The following VGLL4 variants were observed in gnomAD, a reference collection of about 807,000 sequenced individuals.
The protein encoded by VGLL4 is transcription cofactor vestigial-like protein 4.
VGLL4 carries 7 observed loss-of-function variants against 21.0 expected under a neutral mutation model. That is an observed-to-expected ratio of 0.33 (90% CI 0.19 to 0.63). VGLL4 has a LOEUF of 0.63. Ranked by LOEUF, VGLL4 falls within the 20% of genes least tolerant of loss-of-function variation. The pLI is 0.78. For missense variants in VGLL4, 394 were observed against 425.7 expected, an observed-to-expected ratio of 0.93 and a Z score of 0.66; for synonymous variants, 222 against 173.2, an observed-to-expected ratio of 1.28 and a Z score of -2.21.
At chr3:11,618,512 A>G (rs1463632246) in intron 1 of VGLL4, among the ~76,000 whole-genome samples, 1 of 152,218 alleles carries the variant, frequency 6.6e-6, no homozygotes, top group East Asian at 1.9e-4. Flanking sequence ...AATGGTGTTC[A>G]GCATAACCAA....
chr3:11,689,456 C>T (rs987038717), intron 2 of VGLL4, among the ~76,000 whole-genome samples: 1 of 152,226 alleles, frequency 6.6e-6, no homozygotes, highest in African/African-American at 2.4e-5. Flanking sequence ...TCAATCACCA[C>T]ATTTTTAATG....
intron 2 of VGLL4, among the ~76,000 whole-genome samples, chr3:11,663,276 CG>C (rs1553740751): frequency 6.6e-6 from 1 of 151,988 alleles, no homozygotes; most frequent in Non-Finnish European, 1.5e-5. Context: ...TTAGCAGGGC[CG>C]GGGAAGTGGT....
rs561647829 is a variant in VGLL4 at position 11,596,574 on chromosome 3, G to A, written c.272+5259C>T. ...AGAGTTGGGTTAGCCCTGGAGCATC[G>A]CCAGGAACTCATTATCTCCTAGCTC... On this transcript the variant is annotated intron_variant, in intron 2 of 4. Transcript: ENST00000430365. Among the ~76,000 whole-genome samples the A allele has an allele frequency of 9.5e-4, 145 of 152,212 alleles. 1 individual carries two copies. The highest frequency in any genetic ancestry group is 1.8e-3 in the Non-Finnish European group (123 of 68,012).
chr3:11,706,571 T>A (rs369490726), intron 1 of VGLL4, among the ~76,000 whole-genome samples: 7 of 152,196 alleles, frequency 4.6e-5, no homozygotes, highest in South Asian at 2.1e-4. Context: ...CTTGTGCACA[T>A]CTATTTTTTG....
At chr3:11,681,259 G>A (rs1004079216) in intron 2 of VGLL4, among the ~76,000 whole-genome samples, 3 of 152,068 alleles carry the variant, frequency 2.0e-5, no homozygotes, top group African/African-American at 7.2e-5. Flanking sequence ...CACCACGCCC[G>A]GCTAATTTTT....
At chr3:11,627,011 G>A (rs2075362816) in intron 1 of VGLL4, among the ~76,000 whole-genome samples, 1 of 152,028 alleles carries the variant, frequency 6.6e-6, no homozygotes, top group South Asian at 2.1e-4. Flanking sequence ...GCAAACGAGT[G>A]TTATCACTTA....
At chr3:11,577,480 C>A (rs961413068) in intron 2 of VGLL4, among the ~76,000 whole-genome samples, 1 of 152,030 alleles carries the variant, frequency 6.6e-6, no homozygotes, top group African/African-American at 2.4e-5. Flanking sequence ...GTAGTCCCAG[C>A]TACTCGGGAG....
At chr3:11,598,298 A>T (rs2074697244) in intron 2 of VGLL4, among the ~76,000 whole-genome samples, 1 of 150,434 alleles carries the variant, frequency 6.6e-6, no homozygotes, top group Admixed American at 6.6e-5. Flanking sequence ...AAGTGCTAGG[A>T]TTACAGGCAC....
At chr3:11,693,571 T>G (rs918488116) in intron 2 of VGLL4, among the ~76,000 whole-genome samples, 17 of 152,314 alleles carry the variant, frequency 1.1e-4, no homozygotes, top group African/African-American at 3.8e-4. Flanking sequence ...TGGGATCTCG[T>G]TACCTGGGGA....
chr3:11,702,798 A>G (rs1173532963), intron 2 of VGLL4: 2 of 457,628 alleles, frequency 4.4e-6, no homozygotes, highest in East Asian at 3.8e-5. Context: ...AAAGACTTAC[A>G]TGTTCTTGAA....
At chr3:11,613,682 C>T (rs1213109699) in intron 1 of VGLL4, among the ~76,000 whole-genome samples, 2 of 152,212 alleles carry the variant, frequency 1.3e-5, no homozygotes, top group Non-Finnish European at 2.9e-5. Flanking sequence ...CTCTTCATCT[C>T]TCTTGAGCCT....
intron 1 of VGLL4, among the ~76,000 whole-genome samples, chr3:11,712,335 CCTAA>C (rs747984443): frequency 2.0e-4 from 31 of 152,254 alleles, no homozygotes; most frequent in Non-Finnish European, 3.8e-4. Flanking sequence ...AAAAACATTG[CCTAA>C]CTAACTTCCT....
chr3:11,717,900 T>A (rs1316467518), intron 1 of VGLL4, among the ~76,000 whole-genome samples: 1 of 152,172 alleles, frequency 6.6e-6, no homozygotes, highest in Non-Finnish European at 1.5e-5. Context: ...AGATACAAAG[T>A]TTGAGTACGA....
intron 2 of VGLL4, among the ~76,000 whole-genome samples, chr3:11,573,288 A>G (rs557356462): frequency 1.5e-3 from 18 of 11,692 alleles, no homozygotes; most frequent in Admixed American, 2.2e-3. Flanking sequence ...AGAAAGAAAG[A>G]AAGAAAGAAA....
rs534294797 is a variant in VGLL4 at position 11,602,757 on chromosome 3, CATT to C, written c.83-738_83-736del. ...TTTGATTTGACATCTTGGCGTTTTT[CATT>C]ATTATTTTAAAAGGTTTTGTACTAG... On this transcript the variant is annotated intron_variant, in intron 1 of 4. Coordinates refer to ENST00000430365, the MANE Select transcript of VGLL4 (RefSeq NM_001128219.3). 7.0e-4 allele frequency among the ~76,000 whole-genome samples: 106 copies of C among 152,206 alleles called. 1 individual carries two copies. In the South Asian group the frequency reaches 0.011, roughly 15 times the overall value.
At chr3:11,715,815 T>C (rs1347882248) in intron 1 of VGLL4, among the ~76,000 whole-genome samples, 1 of 152,208 alleles carries the variant, frequency 6.6e-6, no homozygotes, top group East Asian at 1.9e-4. Flanking sequence ...AAAGACACCT[T>C]ATTTAATACC....
intron 2 of VGLL4, among the ~76,000 whole-genome samples, chr3:11,591,809 G>A (rs2074505280): frequency 6.6e-6 from 1 of 152,234 alleles, no homozygotes; most frequent in Non-Finnish European, 1.5e-5. Context: ...AAACCTCACA[G>A]AGAATCAGTT....
At chr3:11,626,775 A>C (rs1487402958) in intron 1 of VGLL4, among the ~76,000 whole-genome samples, 1 of 152,320 alleles carries the variant, frequency 6.6e-6, no homozygotes, top group Non-Finnish European at 1.5e-5. Context: ...GAAGACAAGC[A>C]CTAGGAAGGC....
At chr3:11,691,344 T>G (rs77282141) in intron 2 of VGLL4, among the ~76,000 whole-genome samples, 6,158 of 151,840 alleles carry the variant, frequency 0.041, 381 homozygotes, top group East Asian at 0.19. Context: ...TTCCAGTTTG[T>G]CTTGAGTAGT....
Sources: gnomAD v4.1 joint callset for allele counts (sites outside exome capture counted in the v4.1 genomes callset) on GRCh38, gnomAD v4.1.1 for gene constraint, MANE v1.5 for transcripts, NCBI Gene and HGNC (gene_info 2026-07-23, HGNC 2026-07-21) for gene names.